Variants in NF1 observed in about 807,000 individuals in gnomAD.
NF1 encodes the protein neurofibromin 1, also known as neurofibromin.
NF1 carries 122 observed loss-of-function variants against 325.7 expected under a neutral mutation model. That is an observed-to-expected ratio of 0.37 (90% confidence interval 0.32 to 0.44). NF1 has a LOEUF of 0.44. Ranked by LOEUF, NF1 falls within the 20% of genes least tolerant of loss-of-function variation. The probability of loss-of-function intolerance (pLI) is 1.00; values close to 1 mark genes in which losing one functional copy is unlikely to be tolerated. For missense variants in NF1, 2,140 were observed against 3,415.4 expected (o/e 0.63, Z 9.31); for synonymous variants, 1,091 against 1,186.0 (o/e 0.92, Z 1.65).
chr17:31,134,444 A>G lies in NF1; in HGVS notation c.61-21539A>G, dbSNP rs188163679. On this transcript the variant is annotated intron_variant, in intron 1 of 57. Transcript: ENST00000358273. ...TAATTTCAAATTTGAACTTAGCTTT[A>G]TGACCTTGAACATATTTATTAGTTA... Among the ~76,000 whole-genome samples the G allele has an allele frequency of 2.0e-4, 31 of 152,330 alleles. 1 individual carries two copies. In the East Asian group the frequency reaches 5.2e-3, roughly 26 times the overall value.
At chr17:31,188,676 G>C (rs1279733130) in intron 8 of NF1, among the ~76,000 whole-genome samples, 9 of 152,126 alleles carry the variant, frequency 5.9e-5, no homozygotes, top group Non-Finnish European at 1.2e-4. Context: ...ATTGACATTT[G>C]AGTCAGTGGG....
At chr17:31,275,388 ACAT>A (rs1688853263) in intron 36 of NF1, among the ~76,000 whole-genome samples, 2 of 152,224 alleles carry the variant, frequency 1.3e-5, no homozygotes, top group South Asian at 4.1e-4. Flanking sequence ...GTGTCATATC[ACAT>A]CATCACAAGA....
Position 31,095,233 on chromosome 17 carries a change from C to T in NF1, c.-77C>T, listed in dbSNP as rs1469019035. 1 of 1,406,354 alleles carries T rather than the reference C, an allele frequency of 7.1e-7. No homozygotes were observed. Among genetic ancestry groups the T allele is most frequent in the Non-Finnish European group, 9.7e-7 (1 of 1,030,488 alleles). 87.1% of individuals were successfully genotyped at this position (1,406,354 alleles called of 1,614,324 possible). On this transcript the variant is annotated 5_prime_UTR_variant, in exon 1 of 58. Coordinates refer to ENST00000358273, the MANE Select transcript of NF1 (RefSeq NM_001042492.3). Reference sequence around the variant, plus strand: ...TCCTTGCCTCTTCCCTCACCTCAGCCTCCGCTCCCCGCCCTCTTCCCGGCC... The same window carrying T: ...TCCTTGCCTCTTCCCTCACCTCAGCTTCCGCTCCCCGCCCTCTTCCCGGCC...
chr17:31,263,035 A>G (rs9906488), intron 35 of NF1, among the ~76,000 whole-genome samples: 5,841 of 37,326 alleles, frequency 0.16, 387 homozygotes, highest in African/African-American at 0.25. Flanking sequence ...AGATAGATAG[A>G]TAGGTAGGTA....
Position 31,235,734 on chromosome 17 carries a change from A to C in NF1, c.3832A>C (p.Asn1278His), listed in dbSNP as rs1306874240. Residue 1278 changes from asparagine to histidine, a missense_variant, in exon 28 of 58, where the codon AAC (asparagine) becomes CAC (histidine). By Grantham distance (68) the Asn-to-His change is moderately conservative. Coordinates refer to ENST00000358273, the MANE Select transcript of NF1 (RefSeq NM_001042492.3). ...CTCCATGCAGACTCTCTTCCGAGGC[A>C]ACAGCTTGGCCAGTAAAATAATGAC... ...ADSMQTLFRG[N>H]SLASKIMTFC... 6.2e-7 allele frequency: 1 copy of C among 1,614,058 alleles called. No homozygotes were observed. The highest frequency in any genetic ancestry group is 8.5e-7 in the Non-Finnish European group (1 of 1,180,028).
At chr17:31,334,007 C>T (rs946757695) in intron 39 of NF1, among the ~76,000 whole-genome samples, 3 of 152,118 alleles carry the variant, frequency 2.0e-5, no homozygotes, top group Non-Finnish European at 4.4e-5. Context: ...TCAGTATAGG[C>T]CAGGGGTGGT....
chr17:31,246,321 C>A (rs2067390317), intron 29 of NF1, among the ~76,000 whole-genome samples: 2 of 152,164 alleles, frequency 1.3e-5, no homozygotes, highest in African/African-American at 2.4e-5. Context: ...CTCACCTGTT[C>A]AATGAAGTAT....
chr17:31,182,918 G>C (rs2066163998), intron 8 of NF1: 1 of 600,434 alleles, frequency 1.7e-6, no homozygotes, highest in East Asian at 2.7e-5. Context: ...TTTTGTCTGA[G>C]AAGACTAAAC....
At chr17:31,359,249 C>T in intron 56 of NF1, 1 of 516,592 alleles carries the variant, frequency 1.9e-6, no homozygotes, top group Non-Finnish European at 3.5e-6. Context: ...ATCAATTTTT[C>T]AGAAGAGTAT....
chr17:31,253,073 T>G, intron 31 of NF1, 73 bp downstream of exon 31: 7 of 1,179,192 alleles, frequency 5.9e-6, no homozygotes, highest in Non-Finnish European at 8.7e-6. Context: ...TTGTTAAGAA[T>G]ATCTTCACTT....
intron 36 of NF1, chr17:31,272,873 C>T (rs2067928514): frequency 1.3e-5 from 2 of 152,094 alleles, no homozygotes; most frequent in Admixed American, 1.3e-4. Flanking sequence ...TAAATGTTTG[C>T]TTTTTCACTA....
chr17:31,339,944 G>T (rs1428476354), intron 46 of NF1, among the ~76,000 whole-genome samples: 1 of 152,184 alleles, frequency 6.6e-6, no homozygotes, highest in Non-Finnish European at 1.5e-5. Context: ...CATTCTAGTT[G>T]TAATGGAGAA....
chr17:31,296,162 AT>A, intron 36 of NF1: 1 of 1,612,404 alleles, frequency 6.2e-7, no homozygotes, highest in Non-Finnish European at 8.5e-7. Context: ...TAAATGTATA[AT>A]ATTCTCTTGC....
intron 1 of NF1, among the ~76,000 whole-genome samples, chr17:31,101,690 C>T (rs1196574115): frequency 2.6e-5 from 4 of 152,100 alleles, no homozygotes; most frequent in Admixed American, 6.6e-5. Context: ...TCCTGTCCAT[C>T]CTTCAATGTT....
Position 31,252,973 on chromosome 17 carries a change from A to G in NF1, c.4146A>G (p.Val1382=). 6.2e-7 allele frequency: 1 copy of G among 1,613,552 alleles called. No homozygotes were observed. The highest frequency in any genetic ancestry group is 8.5e-7 in the Non-Finnish European group (1 of 1,179,728). ...TCHSLLNKAT[V]KEKKENKKSV... is the part of the protein sequence containing the mutation. ...ACTCCCTACTGAATAAAGCTACAGTAAAAGAAAAAAAGGAAAACAAAAAAT... is the reference window on the plus strand; with the variant it reads ...ACTCCCTACTGAATAAAGCTACAGTGAAAGAAAAAAAGGAAAACAAAAAAT... The change falls in exon 31 of 58, where the codon GTA becomes GTG. Residue 1382 remains valine (V), a synonymous_variant. Transcript: ENST00000358273.
chr17:31,237,697 C>T (rs139102028), intron 29 of NF1, among the ~76,000 whole-genome samples: 166 of 131,316 alleles, frequency 1.3e-3, no homozygotes, highest in African/African-American at 4.7e-3. Flanking sequence ...GTACATAATA[C>T]ATTATTACGG....
chr17:31,236,485 G>T (rs961941254), intron 29 of NF1, among the ~76,000 whole-genome samples: 2 of 152,118 alleles, frequency 1.3e-5, no homozygotes, highest in Non-Finnish European at 2.9e-5. Context: ...TGCCATTCAG[G>T]CTGGGGTGCA....
At chr17:31,284,349 C>G (rs1390120786) in intron 36 of NF1, among the ~76,000 whole-genome samples, 1 of 152,056 alleles carries the variant, frequency 6.6e-6, no homozygotes, top group South Asian at 2.1e-4. Flanking sequence ...ATGGTGAGAT[C>G]TCAGCTCACT....
intron 35 of NF1, among the ~76,000 whole-genome samples, chr17:31,263,118 G>T (rs2067720961): frequency 1.3e-5 from 1 of 78,300 alleles, no homozygotes; most frequent in African/African-American, 4.6e-5. Context: ...TAGATAGATA[G>T]ATAGATAAGA....
Sources: gnomAD v4.1 joint callset for allele counts (sites outside exome capture counted in the v4.1 genomes callset) on GRCh38, gnomAD v4.1.1 for gene constraint, MANE v1.5 for transcripts, NCBI Gene and HGNC (gene_info 2026-07-23, HGNC 2026-07-21) for gene names.